The following ATP8A2 variants were observed in gnomAD, a reference collection of about 807,000 sequenced individuals.
ATP8A2 encodes the protein phospholipid-transporting ATPase IB.
ATP8A2 carries 100 observed loss-of-function variants against 165.6 expected under a neutral mutation model. The ratio of observed to expected loss-of-function variants is 0.60; its 90% confidence interval spans 0.51 to 0.71. The LOEUF (loss-of-function observed/expected upper bound fraction) is 0.71, where lower values mean the gene tolerates loss of function less well. Among genes scored for constraint, ATP8A2 ranks in the 30% least tolerant of loss-of-function variants. The pLI is 0.00. For synonymous variants in ATP8A2, 543 were observed against 548.8 expected (o/e 0.99, Z 0.15); for missense variants, 1,227 against 1,479.5 (o/e 0.83, Z 2.80).
At chr13:25,838,600 G>A (rs1201500227) in intron 29 of ATP8A2, among the ~76,000 whole-genome samples, 1 of 151,576 alleles carries the variant, frequency 6.6e-6, no homozygotes, top group Non-Finnish European at 1.5e-5. Flanking sequence ...GTCAGAGATG[G>A]TGCAAAATGA....
intron 2 of ATP8A2, among the ~76,000 whole-genome samples, chr13:25,527,510 C>T (rs2037879247): frequency 6.6e-6 from 1 of 152,174 alleles, no homozygotes. Context: ...AATTCTGTAA[C>T]ATGACAGCTA....
chr13:25,974,177 C>A (rs1015634489), intron 35 of ATP8A2, among the ~76,000 whole-genome samples: 1 of 152,200 alleles, frequency 6.6e-6, no homozygotes, highest in Non-Finnish European at 1.5e-5. Context: ...CTCTGAACTT[C>A]AGTTTTCTCA....
intron 33 of ATP8A2, among the ~76,000 whole-genome samples, chr13:25,872,983 A>C (rs989675885): frequency 1.3e-5 from 2 of 151,996 alleles, no homozygotes; most frequent in Non-Finnish European, 2.9e-5. Context: ...GACGTATTTC[A>C]AGTACTCAGT....
intron 27 of ATP8A2, among the ~76,000 whole-genome samples, chr13:25,816,722 A>G (rs1297325248): frequency 1.3e-5 from 2 of 152,150 alleles, no homozygotes; most frequent in African/African-American, 4.8e-5. Flanking sequence ...AAATATATAT[A>G]TGTGATTCTT....
chr13:25,541,214 C>G (rs2038465698), intron 8 of ATP8A2, among the ~76,000 whole-genome samples: 1 of 152,066 alleles, frequency 6.6e-6, no homozygotes, highest in South Asian at 2.1e-4. Flanking sequence ...CACTTTGAAG[C>G]TTAAAAAACT....
At chr13:25,455,206 C>T (rs562955722) in intron 1 of ATP8A2, among the ~76,000 whole-genome samples, 1 of 152,300 alleles carries the variant, frequency 6.6e-6, no homozygotes, top group Non-Finnish European at 1.5e-5. Flanking sequence ...ACTGTCAGCA[C>T]AGAAAAAGGG....
rs1405429006 is a variant in ATP8A2 at position 26,023,782 on chromosome 13, T to G, written c.*3797T>G. 1 of 152,016 alleles carries G rather than the reference T, an allele frequency of 6.6e-6. No homozygotes were observed. The highest frequency in any genetic ancestry group is 1.5e-5 in the Non-Finnish European group (1 of 68,020). 9.4% of individuals were successfully genotyped at this position (152,016 alleles called of 1,614,324 possible). A position where few individuals can be genotyped will look rare whatever the true frequency, so the allele number is the denominator to read the frequency against. ...AGGACTGCACACTTTTCAGCCAGGG[T>G]TTGAGTTACTGCCCAGGGTCATCGT... is the stretch of plus-strand genomic sequence containing the variant. On this transcript the variant is annotated 3_prime_UTR_variant, in exon 37 of 37. Transcript: ENST00000381655.
intron 24 of ATP8A2, among the ~76,000 whole-genome samples, chr13:25,663,002 C>G (rs2042082625): frequency 6.6e-6 from 1 of 152,166 alleles, no homozygotes; most frequent in Non-Finnish European, 1.5e-5. Flanking sequence ...TGATGGCTGC[C>G]CTTCCCTGTG....
intron 30 of ATP8A2, among the ~76,000 whole-genome samples, chr13:25,845,534 G>A (rs1951841201): frequency 6.6e-6 from 1 of 152,180 alleles, no homozygotes; most frequent in African/African-American, 2.4e-5. Flanking sequence ...GGATTCTTAT[G>A]TATGGGTACT....
intron 2 of ATP8A2, among the ~76,000 whole-genome samples, chr13:25,503,215 T>C (rs1414677723): frequency 6.6e-6 from 1 of 152,212 alleles, no homozygotes; most frequent in African/African-American, 2.4e-5. Flanking sequence ...AGTTGGTGAC[T>C]GCTGGTTGCC....
Position 25,564,444 on chromosome 13 carries a change from T to G in ATP8A2, c.1473+413T>G, listed in dbSNP as rs1349107263. Reference sequence around the variant, plus strand: ...ATAATAACAGGTGGCATTTATTGCATTCTACTGTGTGCCAGGCAACTAACA... The same window carrying G: ...ATAATAACAGGTGGCATTTATTGCAGTCTACTGTGTGCCAGGCAACTAACA... On this transcript the variant is annotated intron_variant, in intron 16 of 36. Coordinates refer to ENST00000381655, the MANE Select transcript of ATP8A2 (RefSeq NM_016529.6). Among the ~76,000 whole-genome samples, 5 of 152,330 alleles carry G rather than the reference T, an allele frequency of 3.3e-5. No individual in the cohort carries two copies. In the East Asian group the frequency reaches 9.7e-4, roughly 29 times the overall value.
intron 35 of ATP8A2, among the ~76,000 whole-genome samples, chr13:25,980,069 AT>A (rs1956145435): frequency 1.3e-5 from 2 of 152,206 alleles, no homozygotes; most frequent in Admixed American, 1.3e-4. Context: ...TCATGCAAAA[AT>A]GTGATTGGAA....
chr13:25,552,247 G>A lies in ATP8A2; in HGVS notation c.1057+744G>A, dbSNP rs146436015. 4.1e-3 allele frequency among the ~76,000 whole-genome samples: 623 copies of A among 152,212 alleles called. 4 individuals are homozygous for A. The highest frequency in any genetic ancestry group is 4.5e-3 in the Non-Finnish European group (304 of 68,008). On this transcript the variant is annotated intron_variant, in intron 11 of 36. Coordinates refer to ENST00000381655, the MANE Select transcript of ATP8A2 (RefSeq NM_016529.6). ...GGCAATCTACCCGCCTCGGCCTCCT[G>A]AAGTGCTGGGATTACAGGTGTGAGT... is the stretch of plus-strand genomic sequence containing the variant.
chr13:25,557,530 T>C (rs1256735327), intron 13 of ATP8A2, among the ~76,000 whole-genome samples: 1 of 152,182 alleles, frequency 6.6e-6, no homozygotes, highest in South Asian at 2.1e-4. Flanking sequence ...GTCTGTCTTC[T>C]ATGTTCCCAT....
chr13:25,839,682 G>T, intron 30 of ATP8A2, 58 bp downstream of exon 30: 1 of 1,420,370 alleles, frequency 7.0e-7, no homozygotes, highest in Non-Finnish European at 9.9e-7. Context: ...TCTGCTGCCT[G>T]TGTGTTCACA....
chr13:25,717,894 C>T (rs559272757), intron 25 of ATP8A2, among the ~76,000 whole-genome samples: 4 of 152,258 alleles, frequency 2.6e-5, no homozygotes, highest in Admixed American at 6.5e-5. Context: ...AAGTTAACCT[C>T]GCTTATCGAT....
At chr13:25,520,158 C>T (rs1275480147) in intron 2 of ATP8A2, among the ~76,000 whole-genome samples, 1 of 152,196 alleles carries the variant, frequency 6.6e-6, no homozygotes, top group Non-Finnish European at 1.5e-5. Context: ...ATCAACCTCT[C>T]TTCATCTCTT....
chr13:25,765,030 A>C (rs2044462158), intron 25 of ATP8A2, among the ~76,000 whole-genome samples: 1 of 152,244 alleles, frequency 6.6e-6, no homozygotes, highest in African/African-American at 2.4e-5. Context: ...TAGTTCTATA[A>C]AAGCAGTTAG....
intron 24 of ATP8A2, among the ~76,000 whole-genome samples, chr13:25,661,541 A>C (rs1475481016): frequency 6.6e-6 from 1 of 152,202 alleles, no homozygotes; most frequent in Non-Finnish European, 1.5e-5. Flanking sequence ...ATATATACTT[A>C]ATAAAGTAAA....
Sources: allele counts gnomAD v4.1 joint callset (sites outside exome capture counted in the v4.1 genomes callset), GRCh38; gene constraint gnomAD v4.1.1; transcripts MANE v1.5; gene names NCBI Gene and HGNC (gene_info 2026-07-23, HGNC 2026-07-21).